SEMA3E: variants seen among roughly 807,000 people sequenced by gnomAD.
SEMA3E encodes the protein semaphorin 3E, also known as semaphorin-3E.
A neutral mutation model predicts 93.6 loss-of-function variants in SEMA3E; 49 were observed. That is an observed-to-expected ratio of 0.52 (90% confidence interval 0.42 to 0.66). The LOEUF is 0.66. Ranked by LOEUF, SEMA3E falls within the 30% of genes least tolerant of loss-of-function variation. SEMA3E has a pLI of 0.00. For missense variants in SEMA3E, 906 were observed against 964.8 expected, an observed-to-expected ratio of 0.94 and a Z score of 0.81; for synonymous variants, 363 against 330.7, an observed-to-expected ratio of 1.10 and a Z score of -1.06.
At chr7:83,573,120 A>G (rs79338505) in intron 1 of SEMA3E, among the ~76,000 whole-genome samples, 15,025 of 152,162 alleles carry the variant, frequency 0.099, 984 homozygotes, top group East Asian at 0.2. Flanking sequence ...CAGACAGCCT[A>G]CAGACAGAAA....
intron 4 of SEMA3E, among the ~76,000 whole-genome samples, chr7:83,419,455 G>A (rs1026046470): frequency 6.6e-6 from 1 of 152,112 alleles, no homozygotes; most frequent in Non-Finnish European, 1.5e-5. Flanking sequence ...CCAGTAATTG[G>A]GATTGCAGGG....
intron 4 of SEMA3E, among the ~76,000 whole-genome samples, chr7:83,445,263 T>C (rs1789202384): frequency 6.6e-6 from 1 of 152,226 alleles, no homozygotes; most frequent in Non-Finnish European, 1.5e-5. Flanking sequence ...AATCAGCTTG[T>C]AGGTTAAGTA....
chr7:83,623,232 A>C (rs926755120), intron 1 of SEMA3E, among the ~76,000 whole-genome samples: 1 of 152,152 alleles, frequency 6.6e-6, no homozygotes, highest in Non-Finnish European at 1.5e-5. Flanking sequence ...TAATTTATAA[A>C]AAGAAAATAA....
At chr7:83,482,922 A>AGCAAATAGAT (rs11280819) in intron 2 of SEMA3E, among the ~76,000 whole-genome samples, 1 of 152,058 alleles carries the variant, frequency 6.6e-6, no homozygotes, top group South Asian at 2.1e-4. Context: ...TATGAAAAAG[A>AGCAAATAGAT]GAAATGGTCT....
rs74840945 is a variant in SEMA3E at position 83,369,702 on chromosome 7, A to T, written c.1876-1664T>A. Among the ~76,000 whole-genome samples, 646 of 152,242 alleles carry T rather than the reference A, an allele frequency of 4.2e-3. 7 individuals carry two copies. The highest frequency in any genetic ancestry group is 0.015 in the African/African-American group (605 of 41,546). On this transcript the variant is annotated intron_variant, in intron 16 of 16. Coordinates refer to ENST00000643230, the MANE Select transcript of SEMA3E (RefSeq NM_012431.3). The stretch of plus-strand genomic sequence containing the variant: ...AAATCATCTTCACCACATAGAAACA[A>T]TCTGTTTTACTGATACATTTTTCTC...
At chr7:83,388,922 T>C (rs1252911664) in intron 14 of SEMA3E, among the ~76,000 whole-genome samples, 1 of 151,666 alleles carries the variant, frequency 6.6e-6, no homozygotes, top group Non-Finnish European at 1.5e-5. Context: ...TTATTTAACA[T>C]ATTAATAGAT....
At chr7:83,562,396 T>C (rs1446982471) in intron 1 of SEMA3E, among the ~76,000 whole-genome samples, 2 of 152,084 alleles carry the variant, frequency 1.3e-5, no homozygotes, top group East Asian at 3.8e-4. Context: ...CAAGAGGCAC[T>C]CAGAATCCCA....
chr7:83,501,802 T>C (rs904710441), intron 1 of SEMA3E, among the ~76,000 whole-genome samples: 23 of 152,350 alleles, frequency 1.5e-4, no homozygotes, highest in Non-Finnish European at 1.0e-4. Context: ...GCCTATAACA[T>C]GTTTTCTCTA....
At chr7:83,409,385 C>T (rs1401338400) in intron 5 of SEMA3E, among the ~76,000 whole-genome samples, 1 of 152,138 alleles carries the variant, frequency 6.6e-6, no homozygotes, top group Non-Finnish European at 1.5e-5. Flanking sequence ...ATACCCGGCT[C>T]AGTTGTCCTG....
intron 5 of SEMA3E, among the ~76,000 whole-genome samples, chr7:83,411,463 A>C (rs1478301028): frequency 6.6e-6 from 1 of 152,190 alleles, no homozygotes; most frequent in African/African-American, 2.4e-5. Flanking sequence ...ATATCTTCAT[A>C]TCAATGCAAA....
At chr7:83,521,295 C>A (rs969334811) in intron 1 of SEMA3E, among the ~76,000 whole-genome samples, 1 of 151,968 alleles carries the variant, frequency 6.6e-6, no homozygotes, top group African/African-American at 2.4e-5. Flanking sequence ...TGAGGTTCAA[C>A]CTGGAAAGTC....
At chr7:83,469,654 C>G (rs1480421801) in intron 2 of SEMA3E, among the ~76,000 whole-genome samples, 1 of 151,764 alleles carries the variant, frequency 6.6e-6, no homozygotes, top group Non-Finnish European at 1.5e-5. Flanking sequence ...GTTTTTACTA[C>G]TTAACACAGA....
chr7:83,395,893 T>G (rs970859150), intron 12 of SEMA3E, among the ~76,000 whole-genome samples: 1 of 152,270 alleles, frequency 6.6e-6, no homozygotes, highest in Admixed American at 6.6e-5. Context: ...TAAAAGAAGG[T>G]TACGTATTGA....
intron 15 of SEMA3E, among the ~76,000 whole-genome samples, chr7:83,386,649 T>C (rs183745018): frequency 1.3e-5 from 2 of 152,164 alleles, no homozygotes; most frequent in South Asian, 2.1e-4. Flanking sequence ...ATGGTGAAGA[T>C]AGTCCCCAGT....
chr7:83,445,674 C>T (rs1009026538), intron 4 of SEMA3E, among the ~76,000 whole-genome samples: 6 of 152,008 alleles, frequency 3.9e-5, no homozygotes, highest in African/African-American at 1.4e-4. Flanking sequence ...GCCAAGATTG[C>T]GCCATTGCAT....
chr7:83,592,209 G>T (rs1275111800), intron 1 of SEMA3E, among the ~76,000 whole-genome samples: 1 of 151,584 alleles, frequency 6.6e-6, no homozygotes, highest in African/African-American at 2.4e-5. Context: ...AATGAAATTC[G>T]GACATCTTTT....
At chr7:83,443,418 T>C (rs976123424) in intron 4 of SEMA3E, among the ~76,000 whole-genome samples, 3 of 152,148 alleles carry the variant, frequency 2.0e-5, no homozygotes, top group African/African-American at 7.2e-5. Context: ...AGAAGAATTA[T>C]AGCAAGACAG....
At chr7:83,628,037 G>T (rs1793707237) in intron 1 of SEMA3E, among the ~76,000 whole-genome samples, 1 of 152,070 alleles carries the variant, frequency 6.6e-6, no homozygotes, top group Admixed American at 6.6e-5. Flanking sequence ...CTCAGCATTT[G>T]CTTGTCTGTA....
intron 1 of SEMA3E, among the ~76,000 whole-genome samples, chr7:83,589,261 C>CT (rs965875810): frequency 4.6e-5 from 7 of 151,972 alleles, no homozygotes; most frequent in Admixed American, 2.6e-4. Flanking sequence ...ATAATTATTC[C>CT]TTTTTTTTAC....
Sources: allele counts gnomAD v4.1 joint callset (sites outside exome capture counted in the v4.1 genomes callset), GRCh38; gene constraint gnomAD v4.1.1; transcripts MANE v1.5; gene names NCBI Gene and HGNC (gene_info 2026-07-23, HGNC 2026-07-21).